EXOC6B: variants seen among roughly 807,000 people sequenced by gnomAD.
EXOC6B encodes SEC15 homolog B.
Under a neutral mutation model 113.5 loss-of-function variants are expected in EXOC6B, and 54 were observed. The observed-to-expected ratio is 0.48, with a 90% CI of 0.38 to 0.60. EXOC6B has a LOEUF of 0.60. Ranked by LOEUF, EXOC6B falls within the 20% of genes least tolerant of loss-of-function variation. The probability of loss-of-function intolerance (pLI) is 0.00; values close to 1 mark genes in which losing one functional copy is unlikely to be tolerated. For synonymous variants in EXOC6B, 357 were observed against 339.0 expected, an observed-to-expected ratio of 1.05 and a Z score of -0.58; for missense variants, 797 against 977.5, an observed-to-expected ratio of 0.82 and a Z score of 2.46.
rs973599232 is a variant in EXOC6B at position 72,436,176 on chromosome 2, T to C, written c.1980+28984A>G. Reference sequence around the variant, plus strand: ...TTAAGAAGTTTAGTTTGGCTGGATATGAAATTCTGGATTGAAAATTCTTTT... The same window carrying C: ...TTAAGAAGTTTAGTTTGGCTGGATACGAAATTCTGGATTGAAAATTCTTTT... On this transcript the variant is annotated intron_variant, in intron 18 of 21. Coordinates refer to ENST00000272427, the MANE Select transcript of EXOC6B (RefSeq NM_015189.3). 4.6e-5 allele frequency among the ~76,000 whole-genome samples: 7 copies of C among 152,378 alleles called. No homozygotes were observed. The South Asian group carries it at 1.4e-3, about 32-fold the overall frequency.
At chr2:72,251,002 A>AT (rs1194269853) in intron 20 of EXOC6B, among the ~76,000 whole-genome samples, 1 of 141,178 alleles carries the variant, frequency 7.1e-6, no homozygotes, top group Non-Finnish European at 1.6e-5. Context: ...AATTTTGTGT[A>AT]TTTTTTATGG....
At chr2:72,280,715 G>C (rs1017558916) in intron 20 of EXOC6B, among the ~76,000 whole-genome samples, 1 of 152,092 alleles carries the variant, frequency 6.6e-6, no homozygotes, top group Non-Finnish European at 1.5e-5. Flanking sequence ...AGTTGCTGAG[G>C]CATCCAGGAC....
chr2:72,495,466 T>A lies in EXOC6B; in HGVS notation c.1517A>T (p.Tyr506Phe). 19 of 1,606,242 alleles carry A rather than the reference T, an allele frequency of 1.2e-5. No homozygotes were observed. Among genetic ancestry groups the A allele is most frequent in the Non-Finnish European group, 1.6e-5 (19 of 1,175,374 alleles). Residue 506 changes from tyrosine to phenylalanine, a missense_variant, in exon 15 of 22, where the codon TAC (tyrosine) becomes TTC (phenylalanine). By Grantham distance (22) the Tyr-to-Phe change is conservative. Transcript: ENST00000272427. ...KVYNQIKEFI[Y>F]ACLKFSEDLH... ...ATCTTCTGAAAACTTCAGACAAGCG[T>A]AGATAAATTCTTTAATTTGGTTGTA...
chr2:72,354,702 C>G (rs967644822), intron 19 of EXOC6B, among the ~76,000 whole-genome samples: 3 of 152,150 alleles, frequency 2.0e-5, no homozygotes, highest in Non-Finnish European at 4.4e-5. Context: ...GTATAGGGTC[C>G]ATCATCTGTA....
intron 1 of EXOC6B, among the ~76,000 whole-genome samples, chr2:72,788,657 G>A (rs1014504202): frequency 4.6e-5 from 7 of 152,058 alleles, no homozygotes; most frequent in African/African-American, 1.7e-4. Context: ...AATTAGCCAA[G>A]TGTGGTGGTA....
chr2:72,649,620 GC>G (rs908302297), intron 6 of EXOC6B, among the ~76,000 whole-genome samples: 8 of 151,826 alleles, frequency 5.3e-5, no homozygotes, highest in Non-Finnish European at 8.8e-5. Flanking sequence ...AACTAAAGTA[GC>G]TAAAAACAAT....
chr2:72,409,096 G>C (rs1693988538), intron 18 of EXOC6B, among the ~76,000 whole-genome samples: 1 of 152,126 alleles, frequency 6.6e-6, no homozygotes, highest in South Asian at 2.1e-4. Context: ...CATTTATGCA[G>C]CCAAAAGACA....
rs776614659 is a variant in EXOC6B at position 72,741,392 on chromosome 2, A to G, written c.191T>C (p.Ile64Thr). The change falls in exon 2 of 22, where the codon ATT becomes ACT. Residue 64 changes from isoleucine (I) to threonine (T), a missense_variant. Physicochemically the swap from Ile to Thr is moderately conservative, Grantham distance 89. Coordinates refer to ENST00000272427, the MANE Select transcript of EXOC6B (RefSeq NM_015189.3). Reference sequence around the variant, plus strand: ...GTAATGAAAGTTGCACATTTTCTCAATTTCTCGGTCGTGATTACGGATACG... The same window carrying G: ...GTAATGAAAGTTGCACATTTTCTCAGTTTCTCGGTCGTGATTACGGATACG... ...ETRIRNHDREIEKMCNFHYQG... is the reference protein window; with the variant it reads ...ETRIRNHDRETEKMCNFHYQG... 3.1e-6 allele frequency: 5 copies of G among 1,613,586 alleles called. No homozygotes were observed. The highest frequency in any genetic ancestry group is 2.2e-5 in the East Asian group (1 of 44,848).
rs534139455 is a variant in EXOC6B, at chr2:72,512,134, G to A, written c.1167+998C>T. Among the ~76,000 whole-genome samples, 3 of 152,104 alleles carry A rather than the reference G, an allele frequency of 2.0e-5. No individual in the cohort carries two copies. In the East Asian group the frequency reaches 5.8e-4, roughly 29 times the overall value. The stretch of plus-strand genomic sequence containing the variant: ...GTGCCACTTCAAAAGCAAACACCCT[G>A]TTTCCTAATCTGTCATTCTATTTTC... On this transcript the variant is annotated intron_variant, in intron 11 of 21. Coordinates refer to ENST00000272427, the MANE Select transcript of EXOC6B (RefSeq NM_015189.3).
intron 1 of EXOC6B, 55 bp from the exon 2 acceptor site, chr2:72,741,524 A>C: frequency 6.6e-7 from 1 of 1,509,626 alleles, no homozygotes; most frequent in African/African-American, 1.4e-5. Flanking sequence ...AGAAGGAAAA[A>C]CAAAATTATA....
intron 20 of EXOC6B, among the ~76,000 whole-genome samples, chr2:72,323,436 A>G (rs148235879): frequency 0.017 from 2,653 of 152,292 alleles, 30 homozygotes; most frequent in Middle Eastern, 0.058. Context: ...GCAATTCCTC[A>G]AGGATCTAGA....
intron 20 of EXOC6B, among the ~76,000 whole-genome samples, chr2:72,281,767 A>G (rs1685147456): frequency 6.6e-6 from 1 of 152,238 alleles, no homozygotes; most frequent in Admixed American, 6.5e-5. Context: ...CACAGGAAAA[A>G]CACAAAGAAA....
chr2:72,405,266 A>G (rs148834314), intron 18 of EXOC6B, among the ~76,000 whole-genome samples: 31,694 of 151,986 alleles, frequency 0.21, 6,227 homozygotes, highest in African/African-American at 0.52. Flanking sequence ...GAACCAAGTC[A>G]GAAAACACTC....
chr2:72,768,288 C>CTT (rs200442752), intron 1 of EXOC6B, among the ~76,000 whole-genome samples: 7 of 105,394 alleles, frequency 6.6e-5, no homozygotes, highest in Admixed American at 1.0e-4. Flanking sequence ...AGAATGCAAG[C>CTT]TTTTTTTTTT....
At chr2:72,357,845 A>G (rs997096414) in intron 19 of EXOC6B, among the ~76,000 whole-genome samples, 3 of 152,136 alleles carry the variant, frequency 2.0e-5, no homozygotes, top group Non-Finnish European at 4.4e-5. Context: ...ATCTAGTACT[A>G]TTATACATGC....
At chr2:72,818,478 A>T (rs1476118311) in intron 1 of EXOC6B, among the ~76,000 whole-genome samples, 4 of 151,896 alleles carry the variant, frequency 2.6e-5, no homozygotes, top group South Asian at 2.1e-4. Flanking sequence ...TATTTTTAGT[A>T]GAGACACGGT....
intron 17 of EXOC6B, among the ~76,000 whole-genome samples, chr2:72,474,429 C>T (rs148421784): frequency 0.01 from 1,561 of 151,906 alleles, 41 homozygotes; most frequent in African/African-American, 0.036. Context: ...TATGATGCCC[C>T]GTATGTAATA....
intron 18 of EXOC6B, among the ~76,000 whole-genome samples, chr2:72,400,091 A>G (rs1359273822): frequency 1.3e-5 from 2 of 152,202 alleles, no homozygotes; most frequent in African/African-American, 4.8e-5. Flanking sequence ...AGCCACAAGG[A>G]TCAATGGAAA....
chr2:72,699,712 AC>A (rs1462986399), intron 6 of EXOC6B, among the ~76,000 whole-genome samples: 1 of 152,204 alleles, frequency 6.6e-6, no homozygotes, highest in African/African-American at 2.4e-5. Context: ...ATTAAAAAAA[AC>A]AATGTTATAG....
Sources: gnomAD v4.1 joint callset for allele counts (sites outside exome capture counted in the v4.1 genomes callset) on GRCh38, gnomAD v4.1.1 for gene constraint, MANE v1.5 for transcripts, NCBI Gene and HGNC (gene_info 2026-07-23, HGNC 2026-07-21) for gene names.